Variants in ANKRD12 observed in about 807,000 individuals in gnomAD.
ANKRD12 encodes the protein ankyrin repeat domain 12.
ANKRD12 carries 85 observed loss-of-function variants against 183.4 expected under a neutral mutation model. The ratio of observed to expected loss-of-function variants is 0.46; its 90% CI spans 0.39 to 0.56. The LOEUF is 0.56. Among genes scored for constraint, ANKRD12 ranks in the 20% least tolerant of loss-of-function variants. The pLI, the probability that ANKRD12 is intolerant of heterozygous loss-of-function variation, is 0.00. For synonymous variants in ANKRD12, 914 were observed against 800.2 expected (o/e 1.14, Z -2.40); for missense variants, 2,405 against 2,357.1 (o/e 1.02, Z -0.42).
intron 1 of ANKRD12, among the ~76,000 whole-genome samples, chr18:9,161,764 A>G (rs778122556): frequency 1.2e-4 from 18 of 151,578 alleles, no homozygotes; most frequent in Non-Finnish European, 1.8e-4. Context: ...ATATATATAT[A>G]AAATATATAT....
intron 6 of ANKRD12, among the ~76,000 whole-genome samples, chr18:9,215,049 C>T (rs1024757566): frequency 6.6e-6 from 1 of 152,044 alleles, no homozygotes; most frequent in Non-Finnish European, 1.5e-5. Flanking sequence ...GTCAAGATAA[C>T]AGGAGAAGTG....
chr18:9,158,982 C>T (rs563289911), intron 1 of ANKRD12, among the ~76,000 whole-genome samples: 4 of 152,276 alleles, frequency 2.6e-5, no homozygotes, highest in East Asian at 1.9e-4. Context: ...GTTGGGACCC[C>T]TTTCACTTTG....
intron 1 of ANKRD12, among the ~76,000 whole-genome samples, chr18:9,156,471 A>C (rs1157793835): frequency 1.3e-5 from 2 of 152,202 alleles, no homozygotes; most frequent in East Asian, 3.8e-4. Flanking sequence ...AGTTATTAAC[A>C]TATAAAGGAG....
chr18:9,186,136 G>GTTTTTTTT (rs1280812557), intron 2 of ANKRD12, among the ~76,000 whole-genome samples: 4 of 141,892 alleles, frequency 2.8e-5, no homozygotes, highest in Non-Finnish European at 6.1e-5. Context: ...CTAAAAGTGT[G>GTTTTTTTT]ATTTTTTTTT....
At chr18:9,244,233 C>T (rs1421017757) in intron 8 of ANKRD12, among the ~76,000 whole-genome samples, 1 of 152,180 alleles carries the variant, frequency 6.6e-6, no homozygotes, top group Non-Finnish European at 1.5e-5. Context: ...ATCAGCCAAC[C>T]ATCAATCAGG....
chr18:9,189,786 TA>T (rs1028777858), intron 2 of ANKRD12, among the ~76,000 whole-genome samples: 2 of 152,170 alleles, frequency 1.3e-5, no homozygotes, highest in African/African-American at 4.8e-5. Flanking sequence ...AAAAAAGGAT[TA>T]TTTTCAAAAT....
chr18:9,157,551 G>GTGTGTATGTGTA lies in ANKRD12; in HGVS notation c.-52+20591_-52+20592insATGTGTATGTGT, dbSNP rs751369527. Among the ~76,000 whole-genome samples, 357 of 97,526 alleles carry GTGTGTATGTGTA rather than the reference G, an allele frequency of 3.7e-3. 12 individuals carry two copies. The highest frequency in any genetic ancestry group is 4.6e-3 in the African/African-American group (83 of 17,858). 64.0% of individuals were successfully genotyped at this position (97,526 alleles called of 152,430 possible). On this transcript the variant is annotated intron_variant, in intron 1 of 12. Coordinates refer to ENST00000262126, the MANE Select transcript of ANKRD12 (RefSeq NM_015208.5). ...ATGGTAAATTTTATGGTGTGTGTGGGTGTGTGTGTGTGTGTGTGTGTGTGT... is the reference window on the plus strand; with the variant it reads ...ATGGTAAATTTTATGGTGTGTGTGGGTGTGTATGTGTATGTGTGTGTGTGTGTGTGTGTGTGT...
At chr18:9,241,117 A>C (rs2037635140) in intron 8 of ANKRD12, among the ~76,000 whole-genome samples, 1 of 152,190 alleles carries the variant, frequency 6.6e-6, no homozygotes, top group South Asian at 2.1e-4. Flanking sequence ...CACCATAAGT[A>C]GGGAGAAGCA....
intron 10 of ANKRD12, among the ~76,000 whole-genome samples, chr18:9,266,706 A>AAGG (rs2039309864): frequency 6.6e-6 from 1 of 152,216 alleles, no homozygotes; most frequent in Non-Finnish European, 1.5e-5. Context: ...AAATTGCATC[A>AAGG]ACTAACAAGC....
At chr18:9,187,984 A>G in intron 2 of ANKRD12, among the ~76,000 whole-genome samples, 1 of 152,216 alleles carries the variant, frequency 6.6e-6, no homozygotes, top group East Asian at 1.9e-4. Flanking sequence ...AAAATTAGAA[A>G]ATACATATAA....
At position 9,211,832 on chromosome 18, in the gene ANKRD12, CAG is replaced by C. The variant is rs1491344753; in HGVS notation, c.652+50_652+51del. 48 of 1,424,314 alleles carry C rather than the reference CAG, an allele frequency of 3.4e-5. No individual in the cohort carries two copies. The African/African-American group carries it at 6.1e-4, about 18-fold the overall frequency. 88.2% of individuals were successfully genotyped at this position (1,424,314 alleles called of 1,614,324 possible). A position where few individuals can be genotyped will look rare whatever the true frequency, so the allele number is the denominator to read the frequency against. On this transcript the variant is annotated intron_variant, in intron 6 of 12. Transcript: ENST00000262126. Reference sequence around the variant, plus strand: ...TACTATTCAGGCACTAAAATTTAAACAGATCCTGGTTACAATTTAATCTACAT... The same window carrying C: ...TACTATTCAGGCACTAAAATTTAAACATCCTGGTTACAATTTAATCTACAT...
chr18:9,155,073 T>C (rs2030199793), intron 1 of ANKRD12, among the ~76,000 whole-genome samples: 2 of 152,202 alleles, frequency 1.3e-5, no homozygotes, highest in South Asian at 4.1e-4. Flanking sequence ...AAAATAGACC[T>C]AGCCTAAAAT....
At chr18:9,157,585 G>GTGTGTGTGTGTGTGTATA (rs1472659778) in intron 1 of ANKRD12, among the ~76,000 whole-genome samples, 2 of 92,678 alleles carry the variant, frequency 2.2e-5, no homozygotes, top group African/African-American at 1.1e-4. Flanking sequence ...GTGTGTGTGT[G>GTGTGTGTGTGTGTGTATA]TATATATATA....
chr18:9,211,818 C>T (rs2035818379), intron 6 of ANKRD12, 34 bp downstream of exon 6: 1 of 1,525,400 alleles, frequency 6.6e-7, no homozygotes, highest in African/African-American at 1.4e-5. Context: ...ACTATTCAGG[C>T]ACTAAAATTT....
At chr18:9,154,352 C>T (rs966024429) in intron 1 of ANKRD12, among the ~76,000 whole-genome samples, 2 of 152,076 alleles carry the variant, frequency 1.3e-5, no homozygotes, top group Non-Finnish European at 2.9e-5. Context: ...CTTGAGACTG[C>T]AGTGCACCAT....
chr18:9,185,537 C>G (rs1279597886), intron 2 of ANKRD12, among the ~76,000 whole-genome samples: 1 of 152,078 alleles, frequency 6.6e-6, no homozygotes, highest in Non-Finnish European at 1.5e-5. Flanking sequence ...TGAGTTGGCC[C>G]TGGGAACATT....
At chr18:9,228,055 C>CT (rs1293175883) in intron 8 of ANKRD12, among the ~76,000 whole-genome samples, 2 of 152,032 alleles carry the variant, frequency 1.3e-5, no homozygotes, top group Non-Finnish European at 2.9e-5. Flanking sequence ...AACATGCTGT[C>CT]TTTGTCTTTC....
At chr18:9,226,707 TC>T (rs1350412919) in intron 8 of ANKRD12, among the ~76,000 whole-genome samples, 7 of 152,026 alleles carry the variant, frequency 4.6e-5, no homozygotes, top group African/African-American at 1.7e-4. Flanking sequence ...TCCATTTACA[TC>T]ATCAAAGGAA....
intron 1 of ANKRD12, among the ~76,000 whole-genome samples, chr18:9,155,120 A>T (rs2030209333): frequency 6.6e-6 from 1 of 152,238 alleles, no homozygotes; most frequent in Admixed American, 6.5e-5. Flanking sequence ...TTCTTCAGAA[A>T]AGAAGAGATT....
Sources: allele counts gnomAD v4.1 joint callset (sites outside exome capture counted in the v4.1 genomes callset), GRCh38; gene constraint gnomAD v4.1.1; transcripts MANE v1.5; gene names NCBI Gene and HGNC (gene_info 2026-07-23, HGNC 2026-07-21).